Variants in ABCA13 observed in about 807,000 individuals in gnomAD.
ABCA13 encodes the protein ATP-binding cassette sub-family A member 13.
A neutral mutation model predicts 478.7 loss-of-function variants in ABCA13; 476 were observed. The observed-to-expected ratio is 0.99, with a 90% CI of 0.92 to 1.07. The LOEUF is 1.07. ABCA13 is among the 50% of genes least tolerant of loss of function. ABCA13 has a pLI of 0.00. For missense variants in ABCA13, 6,060 were observed against 5,910.6 expected (o/e 1.03, Z -0.83); for synonymous variants, 2,252 against 2,158.9 (o/e 1.04, Z -1.20).
At chr7:48,225,139 T>TG (rs1562817337) in intron 5 of ABCA13, among the ~76,000 whole-genome samples, 1,377 of 65,914 alleles carry the variant, frequency 0.021, 28 homozygotes, top group African/African-American at 0.11. Flanking sequence ...CTGCCTGCCT[T>TG]CCTTCCTTCC....
intron 18 of ABCA13, 46 bp from the exon 19 acceptor site, chr7:48,281,297 G>T (rs2128781120): frequency 2.0e-6 from 3 of 1,489,792 alleles, no homozygotes; most frequent in South Asian, 2.4e-5. Flanking sequence ...CACATGGGTT[G>T]CACATTTTTA....
intron 15 of ABCA13, among the ~76,000 whole-genome samples, chr7:48,264,960 G>C (rs1221128410): frequency 6.6e-6 from 1 of 151,600 alleles, no homozygotes; most frequent in African/African-American, 2.4e-5. Context: ...ATTTTTGTAT[G>C]TGGTGTAGGC....
chr7:48,274,952 T>C lies in ABCA13; in HGVS notation c.5286T>C (p.Gly1762=), dbSNP rs981336039. 6.2e-7 allele frequency: 1 copy of C among 1,613,684 alleles called. No homozygotes were observed. The highest frequency in any genetic ancestry group is 1.3e-5 in the African/African-American group (1 of 74,920). ...HAVRLLQGVP[G]KNITEGLKDV... is the part of the protein sequence containing the mutation. ...TAAGGCTCCTGCAGGGAGTACCTGG[T>C]AAAAACATCACTGAAGGCCTCAAGG... The change falls in exon 17 of 62, where the codon GGT becomes GGC. Residue 1762 remains glycine, a synonymous_variant. Transcript: ENST00000435803.
intron 55 of ABCA13, among the ~76,000 whole-genome samples, chr7:48,533,916 A>G (rs1833402931): frequency 6.6e-6 from 1 of 152,154 alleles, no homozygotes; most frequent in African/African-American, 2.4e-5. Flanking sequence ...TCCTGAAGAC[A>G]GCAGAAATTT....
chr7:48,279,377 G>C lies in ABCA13; in HGVS notation c.8183G>C (p.Ser2728Thr). The C allele has an allele frequency of 6.3e-7, 1 of 1,594,758 alleles. No individual in the cohort carries two copies. The highest frequency in any genetic ancestry group is 8.6e-7 in the Non-Finnish European group (1 of 1,168,838). Residue 2728 changes from serine to threonine, a missense_variant, in exon 18 of 62, where the codon AGC becomes ACC. Around this residue, in one of 3 missense-constraint regions of ABCA13, gnomAD observed 4,423 missense variants for 4,309.1 expected, o/e 1.03. Transcript: ENST00000435803. ...PFLDKILSQN[S>T]TEIGSFLKMV... ...TTGGATAAAATATTATCACAAAACA[G>C]CACAGAAATAGGATCTTTCTTGAAA... is the stretch of plus-strand genomic sequence containing the variant.
intron 39 of ABCA13, among the ~76,000 whole-genome samples, chr7:48,405,577 G>A (rs7780793): frequency 0.28 from 42,101 of 152,130 alleles, 6,140 homozygotes; most frequent in Admixed American, 0.29. Flanking sequence ...GGACTGATGC[G>A]GAAGATCAAT....
chr7:48,627,212 C>T (rs1793748099), intron 59 of ABCA13: 1 of 292,808 alleles, frequency 3.4e-6, no homozygotes, highest in Non-Finnish European at 5.1e-6. Context: ...AAAACAGAGT[C>T]AGTATTGAGA....
At chr7:48,483,570 A>T (rs1457393265) in intron 47 of ABCA13, among the ~76,000 whole-genome samples, 1 of 152,222 alleles carries the variant, frequency 6.6e-6, no homozygotes, top group African/African-American at 2.4e-5. Flanking sequence ...AGCAGCAGTT[A>T]CACAGAGCTA....
At position 48,346,179 on chromosome 7, in the gene ABCA13, T is replaced by C. The variant is rs573912329; in HGVS notation, c.10205-4464T>C. On this transcript the variant is annotated intron_variant, in intron 29 of 61. Transcript: ENST00000435803. ...CCTTTTTATGCCGCATTTCTCAGAATGCATCCTCATGATTAAGTGATGCAT... is the reference window on the plus strand; with the variant it reads ...CCTTTTTATGCCGCATTTCTCAGAACGCATCCTCATGATTAAGTGATGCAT... Among the ~76,000 whole-genome samples, 4 of 152,322 alleles carry C rather than the reference T, an allele frequency of 2.6e-5. No homozygotes were observed. The East Asian group carries it at 7.7e-4, about 29-fold the overall frequency.
At chr7:48,535,388 C>G (rs1229356731) in intron 55 of ABCA13, among the ~76,000 whole-genome samples, 2 of 152,164 alleles carry the variant, frequency 1.3e-5, no homozygotes, top group African/African-American at 4.8e-5. Flanking sequence ...GCCGTGGATA[C>G]CAGCACCTGC....
At chr7:48,218,602 A>T (rs1025856667) in intron 3 of ABCA13, among the ~76,000 whole-genome samples, 2 of 152,200 alleles carry the variant, frequency 1.3e-5, no homozygotes, top group African/African-American at 4.8e-5. Flanking sequence ...CTGTAGTAGA[A>T]GGTCCTCTAA....
chr7:48,439,554 A>G (rs779055533), intron 42 of ABCA13, among the ~76,000 whole-genome samples: 2 of 152,218 alleles, frequency 1.3e-5, no homozygotes, highest in Admixed American at 6.5e-5. Flanking sequence ...CAATTATGAT[A>G]TATGCAGGAG....
At chr7:48,216,886 A>G (rs1786560027) in intron 3 of ABCA13, among the ~76,000 whole-genome samples, 1 of 152,330 alleles carries the variant, frequency 6.6e-6, no homozygotes, top group South Asian at 2.1e-4. Flanking sequence ...GAATCATCCA[A>G]TCCATGAGCA....
intron 55 of ABCA13, among the ~76,000 whole-genome samples, chr7:48,539,837 A>G (rs1403784040): frequency 6.6e-6 from 1 of 152,216 alleles, no homozygotes; most frequent in Non-Finnish European, 1.5e-5. Flanking sequence ...CAACTAACTT[A>G]TATGAAGAAA....
At chr7:48,409,107 T>C (rs764135912) in intron 39 of ABCA13, among the ~76,000 whole-genome samples, 4 of 152,180 alleles carry the variant, frequency 2.6e-5, no homozygotes, top group Non-Finnish European at 5.9e-5. Flanking sequence ...TTTACTTGAG[T>C]AGAGTTAAAG....
chr7:48,474,631 G>C (rs975006873), intron 45 of ABCA13, among the ~76,000 whole-genome samples: 10 of 152,186 alleles, frequency 6.6e-5, no homozygotes, highest in African/African-American at 2.2e-4. Flanking sequence ...AACAAGACAA[G>C]GTTTCAGGGA....
At chr7:48,472,628 A>G (rs1331735826) in intron 45 of ABCA13, among the ~76,000 whole-genome samples, 1 of 152,196 alleles carries the variant, frequency 6.6e-6, no homozygotes, top group Non-Finnish European at 1.5e-5. Context: ...TCTGCTGCAG[A>G]GAGGGATCTC....
At chr7:48,225,108 C>CCT in intron 5 of ABCA13, among the ~76,000 whole-genome samples, 1 of 128,504 alleles carries the variant, frequency 7.8e-6, no homozygotes, top group Admixed American at 8.1e-5. Flanking sequence ...ACCATGCGTG[C>CCT]GTGCCTGCCT....
chr7:48,382,954 T>C (rs1814628133), intron 35 of ABCA13, among the ~76,000 whole-genome samples: 1 of 152,242 alleles, frequency 6.6e-6, no homozygotes, highest in African/African-American at 2.4e-5. Context: ...ATGTTCCAGA[T>C]CTAGGTGACT....
Sources: allele counts gnomAD v4.1 joint callset (sites outside exome capture counted in the v4.1 genomes callset), GRCh38; gene constraint gnomAD v4.1.1; regional missense constraint gnomAD v4.1.1; transcripts MANE v1.5; gene names NCBI Gene and HGNC (gene_info 2026-07-23, HGNC 2026-07-21).